Variants in NSUN4 observed in about 807,000 individuals in gnomAD.
The protein encoded by NSUN4 is 5-cytosine rRNA methyltransferase NSUN4.
A neutral mutation model predicts 43.8 loss-of-function variants in NSUN4; 31 were observed. The ratio of observed to expected loss-of-function variants is 0.71; its 90% confidence interval spans 0.53 to 0.96. The LOEUF is 0.96. NSUN4 is among the 40% of genes least tolerant of loss of function. The pLI is 0.00. For missense variants in NSUN4, 439 were observed against 475.6 expected, an observed-to-expected ratio of 0.92 and a Z score of 0.72; for synonymous variants, 167 against 184.1, an observed-to-expected ratio of 0.91 and a Z score of 0.75.
Position 46,352,983 on chromosome 1 carries a change from G to A in NSUN4, c.708G>A (p.Trp236Ter). The stretch of plus-strand genomic sequence containing the variant: ...GAAATCAAGTTCGAGTTACCTCATG[G>A]GATGGCAGGAAATGGGGAGAACTGG... The part of the protein sequence containing the change: ...RDGNQVRVTS[W>*]DGRKWGELEG... Residue 236 changes from tryptophan to a stop codon, truncating the protein, a stop_gained, in exon 4 of 6, where the codon TGG becomes TGA. Coordinates refer to ENST00000474844, the MANE Select transcript of NSUN4 (RefSeq NM_199044.4). LOFTEE classifies it high-confidence loss of function. The A allele has an allele frequency of 6.2e-7, 1 of 1,614,160 alleles. No individual in the cohort carries two copies.
chr1:46,359,886 T>A (rs1663690738), intron 4 of NSUN4, among the ~76,000 whole-genome samples: 1 of 151,964 alleles, frequency 6.6e-6, no homozygotes, highest in Non-Finnish European at 1.5e-5. Flanking sequence ...GTTTAAAGAA[T>A]TATCTTATAG....
At position 46,361,885 on chromosome 1, in the gene NSUN4, C is replaced by T; in HGVS notation, c.*39C>T. 2 of 1,569,448 alleles carry T rather than the reference C, an allele frequency of 1.3e-6. No individual in the cohort carries two copies. Among genetic ancestry groups the T allele is most frequent in the Non-Finnish European group, 8.7e-7 (1 of 1,153,324 alleles). On this transcript the variant is annotated 3_prime_UTR_variant, in exon 6 of 6. Coordinates refer to ENST00000474844, the MANE Select transcript of NSUN4 (RefSeq NM_199044.4). ...CTGAAGCAAGAATACAAAGGGTATA[C>T]TCTGTTGGATGCACCAGAAACTGGA...
At chr1:46,375,435 C>CA in the NSUN4 span, among the ~76,000 whole-genome samples, 5,631 of 119,632 alleles carry the variant, frequency 0.047, 376 homozygotes, top group African/African-American at 0.16. Flanking sequence ...AACTCGTTCT[C>CA]AAAAAAAAAA....
chr1:46,340,860 C>A lies in NSUN4; in HGVS notation c.34C>A (p.Leu12Met). 2 of 1,613,384 alleles carry A rather than the reference C, an allele frequency of 1.2e-6. No homozygotes were observed. The highest frequency in any genetic ancestry group is 1.7e-6 in the Non-Finnish European group (2 of 1,179,704). Reference protein sequence around the residue: ...AALTLRGVRELLKRVDLATVP... With the variant: ...AALTLRGVREMLKRVDLATVP... ...GCTGACACTGAGGGGTGTCCGGGAG[C>A]TGCTGAAGCGTGTGGACCTCGCGAC... The change falls in exon 1 of 6, where the codon CTG becomes ATG. Residue 12 changes from leucine to methionine, a missense_variant. Coordinates refer to ENST00000474844, the MANE Select transcript of NSUN4 (RefSeq NM_199044.4).
chr1:46,383,204 C>T, the NSUN4 span, among the ~76,000 whole-genome samples: 1 of 152,192 alleles, frequency 6.6e-6, no homozygotes, highest in Non-Finnish European at 1.5e-5. Context: ...AAGAAGAGCC[C>T]AGGGTGAGAG....
chr1:46,340,887 G>A lies in NSUN4; in HGVS notation c.61G>A (p.Val21Ile). 6.2e-7 allele frequency: 1 copy of A among 1,613,540 alleles called. No individual in the cohort carries two copies. The highest frequency in any genetic ancestry group is 2.2e-5 in the East Asian group (1 of 44,838). The change falls in exon 1 of 6, where the codon GTC (valine) becomes ATC (isoleucine). Residue 21 changes from valine (V) to isoleucine (I), a missense_variant. Transcript: ENST00000474844. ...GCTGAAGCGTGTGGACCTCGCGACG[G>A]TCCCGCGGAGACATCGATATAAGAA... Reference protein sequence around the residue: ...ELLKRVDLATVPRRHRYKKKW... With the variant: ...ELLKRVDLATIPRRHRYKKKW...
chr1:46,366,561 AG>A (rs1411335374), downstream of NSUN4, among the ~76,000 whole-genome samples: 7 of 151,952 alleles, frequency 4.6e-5, no homozygotes, highest in African/African-American at 1.7e-4. Flanking sequence ...AAAAAAGAGA[AG>A]GGGGTTGGCT....
chr1:46,371,506 C>G, the NSUN4 span, among the ~76,000 whole-genome samples: 1 of 152,086 alleles, frequency 6.6e-6, no homozygotes, highest in African/African-American at 2.4e-5. Context: ...CGGGGTTTTA[C>G]CATGTTAGCC....
At chr1:46,372,319 A>C in the NSUN4 span, among the ~76,000 whole-genome samples, 1 of 149,914 alleles carries the variant, frequency 6.7e-6, no homozygotes, top group Non-Finnish European at 1.5e-5. Flanking sequence ...TTTTTTTTGT[A>C]TTTTTAGTAG....
the NSUN4 span, among the ~76,000 whole-genome samples, chr1:46,383,457 T>G: frequency 2.7e-5 from 4 of 147,786 alleles, no homozygotes; most frequent in East Asian, 7.8e-4. Flanking sequence ...TGTTTTTTTT[T>G]TTTTTTTTTT....
At chr1:46,344,076 C>A (rs947407817) in intron 1 of NSUN4, 1 of 296,106 alleles carries the variant, frequency 3.4e-6, no homozygotes, top group Non-Finnish European at 6.2e-6. Context: ...CACTCCTCAT[C>A]TGAAGTCTTC....
At chr1:46,341,602 C>T (rs1020868551) in intron 1 of NSUN4, 65 of 1,211,830 alleles carry the variant, frequency 5.4e-5, no homozygotes, top group Admixed American at 8.7e-5. Context: ...GGCACGCCCC[C>T]CTGCCCACCC....
chr1:46,374,033 T>G, the NSUN4 span, among the ~76,000 whole-genome samples: 1 of 152,040 alleles, frequency 6.6e-6, no homozygotes, highest in African/African-American at 2.4e-5. Context: ...ACACCTGTAA[T>G]CCCAGCACTT....
chr1:46,356,332 A>C (rs1411927096), intron 4 of NSUN4, among the ~76,000 whole-genome samples: 1 of 151,920 alleles, frequency 6.6e-6, no homozygotes, highest in Non-Finnish European at 1.5e-5. Context: ...CAGCCCCCCA[A>C]AGCATTAGGA....
intron 4 of NSUN4, among the ~76,000 whole-genome samples, chr1:46,359,973 T>C (rs1205001840): frequency 2.0e-5 from 3 of 151,744 alleles, no homozygotes; most frequent in African/African-American, 7.3e-5. Flanking sequence ...CTCATGCCTG[T>C]AATCCTAGCA....
chr1:46,374,289 CAAAAAAAAAAAA>C, the NSUN4 span, among the ~76,000 whole-genome samples: 6 of 42,906 alleles, frequency 1.4e-4, no homozygotes, highest in East Asian at 3.8e-3. Context: ...TCTGTCTCAC[CAAAAAAAAAAAA>C]AAAAAAAAAA....
rs533928159 is a variant in NSUN4 at position 46,341,286 on chromosome 1, C to A, written c.93+367C>A. The A allele has an allele frequency of 1.1e-4, 116 of 1,018,398 alleles. No individual in the cohort carries two copies. In the Middle Eastern group the frequency reaches 1.9e-3, roughly 17 times the overall value. The allele number at this position is 1,018,398 out of a possible 1,614,324, so 63.1% of individuals were successfully genotyped here. A position where few individuals can be genotyped will look rare whatever the true frequency, so the allele number is the denominator to read the frequency against. On this transcript the variant is annotated intron_variant, in intron 1 of 5. Coordinates refer to ENST00000474844, the MANE Select transcript of NSUN4 (RefSeq NM_199044.4). ...TCCCCCTTTCCCTTGCCCATTCTTC[C>A]CCCACATGACTTCTCCTTTCCTCAT...
Position 46,344,888 on chromosome 1 carries a change from C to T in NSUN4, c.181C>T (p.Pro61Ser), listed in dbSNP as rs1449134050. The part of the protein sequence containing the change: ...TYSVQFGDLW[P>S]SIRVSLLSEQ... ...CAGTGTGCAGTTTGGAGATCTTTGG[C>T]CATCAATCCGTGTCAGTCTCCTCTC... Residue 61 changes from proline (P) to serine (S), a missense_variant, in exon 2 of 6, where the codon CCA becomes TCA. Pro to Ser is a moderately conservative substitution (Grantham distance 74). Transcript: ENST00000474844. 1.2e-6 allele frequency: 2 copies of T among 1,614,034 alleles called. No individual in the cohort carries two copies. Among genetic ancestry groups the T allele is most frequent in the African/African-American group, 1.3e-5 (1 of 74,918 alleles).
At chr1:46,358,090 T>G (rs1273307463) in intron 4 of NSUN4, among the ~76,000 whole-genome samples, 1 of 151,862 alleles carries the variant, frequency 6.6e-6, no homozygotes, top group African/African-American at 2.4e-5. Context: ...AATTTTTGTA[T>G]TTATTTATTT....
Sources: allele counts gnomAD v4.1 joint callset (sites outside exome capture counted in the v4.1 genomes callset), GRCh38; gene constraint gnomAD v4.1.1; transcripts MANE v1.5; gene names NCBI Gene and HGNC (gene_info 2026-07-23, HGNC 2026-07-21).